GRID2: variants seen among roughly 807,000 people sequenced by gnomAD.
GRID2 encodes the protein glutamate receptor ionotropic, delta-2.
A neutral mutation model predicts 114.8 loss-of-function variants in GRID2; 33 were observed. The observed-to-expected ratio is 0.29, with a 90% CI of 0.22 to 0.38. The LOEUF is 0.38. Among genes scored for constraint, GRID2 ranks in the 10% least tolerant of loss-of-function variants. The pLI is 1.00. For missense variants in GRID2, 1,184 were observed against 1,257.7 expected (o/e 0.94, Z 0.89); for synonymous variants, 505 against 449.9 (o/e 1.12, Z -1.55).
intron 1 of GRID2, among the ~76,000 whole-genome samples, chr4:92,502,815 T>C (rs890897509): frequency 6.9e-6 from 1 of 145,064 alleles, no homozygotes; most frequent in Non-Finnish European, 1.5e-5. Context: ...CCTCCTGGGT[T>C]CAAGCAAATC....
intron 1 of GRID2, among the ~76,000 whole-genome samples, chr4:92,409,544 A>G (rs1463658565): frequency 6.6e-6 from 1 of 152,158 alleles, no homozygotes; most frequent in East Asian, 1.9e-4. Flanking sequence ...ACCATTTCAG[A>G]CATATATTTC....
chr4:92,546,624 A>C (rs1007689892), intron 1 of GRID2, among the ~76,000 whole-genome samples: 1 of 152,202 alleles, frequency 6.6e-6, no homozygotes, highest in Non-Finnish European at 1.5e-5. Context: ...CAAACGTAAT[A>C]TAGGAATTCA....
At chr4:92,762,162 C>G (rs932726550) in intron 2 of GRID2, among the ~76,000 whole-genome samples, 30 of 152,262 alleles carry the variant, frequency 2.0e-4, no homozygotes, top group Middle Eastern at 6.8e-3. Flanking sequence ...ATCCACCCCC[C>G]TCAGCCTCCC....
At chr4:93,684,650 G>C (rs1418131483) in intron 14 of GRID2, among the ~76,000 whole-genome samples, 1 of 152,082 alleles carries the variant, frequency 6.6e-6, no homozygotes, top group Admixed American at 6.6e-5. Flanking sequence ...CGAGGGTACA[G>C]GGGATGCTGG....
intron 1 of GRID2, among the ~76,000 whole-genome samples, chr4:93,790,540 T>C (rs956630106): frequency 5.1e-5 from 6 of 117,192 alleles, no homozygotes; most frequent in Admixed American, 2.1e-4. Context: ...AAAAATGTTA[T>C]TTAACTATAA....
chr4:92,476,751 A>G (rs1722333511), intron 1 of GRID2, among the ~76,000 whole-genome samples: 1 of 152,192 alleles, frequency 6.6e-6, no homozygotes, highest in Non-Finnish European at 1.5e-5. Context: ...TATATTGCAT[A>G]ATGATTTTAC....
At chr4:93,036,436 AACTT>A (rs1347773057) in intron 2 of GRID2, among the ~76,000 whole-genome samples, 10 of 152,196 alleles carry the variant, frequency 6.6e-5, no homozygotes, top group African/African-American at 1.2e-4. Context: ...CAAGTAAACA[AACTT>A]AATCAGTTTA....
intron 14 of GRID2, among the ~76,000 whole-genome samples, chr4:93,644,301 C>G (rs529408488): frequency 2.0e-5 from 1 of 48,824 alleles, no homozygotes; most frequent in Non-Finnish European, 4.1e-5. Context: ...AGCTGTAGAC[C>G]GGAGCTGTTC....
chr4:92,873,311 A>G (rs1444768779), intron 2 of GRID2, among the ~76,000 whole-genome samples: 1 of 152,148 alleles, frequency 6.6e-6, no homozygotes, highest in Non-Finnish European at 1.5e-5. Context: ...TTTAGGAATG[A>G]GGAAACAGAG....
intron 2 of GRID2, among the ~76,000 whole-genome samples, chr4:93,011,212 T>C (rs763810297): frequency 1.5e-4 from 23 of 152,048 alleles, no homozygotes; most frequent in Non-Finnish European, 2.8e-4. Flanking sequence ...AGTTGAAAAT[T>C]TTTGCTGTCT....
intron 13 of GRID2, among the ~76,000 whole-genome samples, chr4:93,591,799 C>T (rs1334472750): frequency 2.0e-5 from 3 of 152,094 alleles, no homozygotes; most frequent in African/African-American, 4.8e-5. Flanking sequence ...GTGTATGTGT[C>T]GAGGAATTTA....
chr4:92,949,562 C>A (rs1751880635), intron 2 of GRID2, among the ~76,000 whole-genome samples: 1 of 150,762 alleles, frequency 6.6e-6, no homozygotes, highest in Non-Finnish European at 1.5e-5. Flanking sequence ...TGTGCCTCCA[C>A]TGTGATAAGA....
chr4:92,462,035 G>A (rs965648793), intron 1 of GRID2, among the ~76,000 whole-genome samples: 11 of 151,986 alleles, frequency 7.2e-5, no homozygotes, highest in Non-Finnish European at 1.5e-4. Flanking sequence ...ATTTAAAATT[G>A]TTATGTATTC....
intron 1 of GRID2, among the ~76,000 whole-genome samples, chr4:92,542,880 T>C (rs1010742083): frequency 6.6e-6 from 1 of 152,180 alleles, no homozygotes; most frequent in African/African-American, 2.4e-5. Flanking sequence ...TGGGTTCTAG[T>C]AGACCCTGTT....
Position 93,601,889 on chromosome 4 carries a change from T to C in GRID2, c.2194-24380T>C, listed in dbSNP as rs568662210. Among the ~76,000 whole-genome samples, 3 of 152,328 alleles carry C rather than the reference T, an allele frequency of 2.0e-5. No homozygotes were observed. In the East Asian group the frequency reaches 5.8e-4, roughly 29 times the overall value. ...TATTACACCTTTATTTTCTCATTGC[T>C]GGGCCAAGAAGTTAGTGAGATACTG... is the stretch of plus-strand genomic sequence containing the variant. On this transcript the variant is annotated intron_variant, in intron 13 of 15. Coordinates refer to ENST00000282020, the MANE Select transcript of GRID2 (RefSeq NM_001510.4).
chr4:93,560,386 G>A (rs1734808501), intron 13 of GRID2, among the ~76,000 whole-genome samples: 1 of 151,954 alleles, frequency 6.6e-6, no homozygotes, highest in Admixed American at 6.6e-5. Context: ...TTTTACTCGT[G>A]GTAGAAGGAG....
chr4:93,103,740 G>C (rs1302687686), intron 3 of GRID2, among the ~76,000 whole-genome samples: 2 of 151,846 alleles, frequency 1.3e-5, no homozygotes, highest in Non-Finnish European at 2.9e-5. Flanking sequence ...CATAATCTTT[G>C]ATTTTCTCAA....
chr4:93,501,848 C>T (rs1463345655), intron 12 of GRID2, among the ~76,000 whole-genome samples: 4 of 151,972 alleles, frequency 2.6e-5, no homozygotes, highest in Non-Finnish European at 5.9e-5. Flanking sequence ...AAATCAAATC[C>T]TTCTCTTTTT....
chr4:92,622,175 A>G (rs1373856244), intron 2 of GRID2, among the ~76,000 whole-genome samples: 1 of 151,740 alleles, frequency 6.6e-6, no homozygotes, highest in Non-Finnish European at 1.5e-5. Flanking sequence ...TCATAGTAAG[A>G]ATTAACCTGA....
Sources: gnomAD v4.1 joint callset for allele counts (sites outside exome capture counted in the v4.1 genomes callset) on GRCh38, gnomAD v4.1.1 for gene constraint, MANE v1.5 for transcripts, NCBI Gene and HGNC (gene_info 2026-07-23, HGNC 2026-07-21) for gene names.